Variants in SLC44A4 observed in about 807,000 individuals in gnomAD.
The protein encoded by SLC44A4 is choline transporter-like protein 4.
A neutral mutation model predicts 97.0 loss-of-function variants in SLC44A4; 74 were observed. The ratio of observed to expected loss-of-function variants is 0.76; its 90% CI spans 0.63 to 0.93. The LOEUF (loss-of-function observed/expected upper bound fraction) is 0.93. Ranked by LOEUF, SLC44A4 falls within the 40% of genes least tolerant of loss-of-function variation. The pLI is 0.00. For missense variants in SLC44A4, 799 were observed against 902.9 expected, an observed-to-expected ratio of 0.88 and a Z score of 1.48; for synonymous variants, 325 against 363.8, an observed-to-expected ratio of 0.89 and a Z score of 1.21.
intron 13 of SLC44A4, among the ~76,000 whole-genome samples, chr6:31,866,360 G>A (rs1249591214): frequency 6.6e-6 from 1 of 151,644 alleles, no homozygotes; most frequent in Non-Finnish European, 1.5e-5. Context: ...CAGAGGGGAA[G>A]GCACTCACTC....
rs139748832 is a variant in SLC44A4 at position 31,864,681 on chromosome 6, A to G, written c.1982T>C (p.Met661Thr). 483 of 1,614,148 alleles carry G rather than the reference A, an allele frequency of 3.0e-4. No individual in the cohort carries two copies. Among genetic ancestry groups the G allele is most frequent in the Non-Finnish European group, 3.9e-4 (463 of 1,180,034 alleles). ...IASGFFSVFG[M>T]CVDTLFLCFL... ...GCAGAGGAAGAGCGTGTCCACACAC[A>G]TGCCGAAAACGCTGAAGAAGCCGCT... Residue 661 changes from methionine (M) to threonine (T), a missense_variant, in exon 20 of 21, where the codon ATG becomes ACG. Physicochemically the swap from Met to Thr is moderately conservative, Grantham distance 81 (BLOSUM62 -1). Transcript: ENST00000229729.
Position 31,865,504 on chromosome 6 carries a change from G to A in SLC44A4, c.1680C>T (p.Tyr560=). The change falls in exon 16 of 21, where the codon TAC becomes TAT. Residue 560 remains tyrosine (Y), a synonymous_variant. Transcript: ENST00000229729. This position sits in a 1 kb window ranked among gnomAD's most constrained non-coding sequence, Gnocchi z 5.2. ...KFIKFLNRNA[Y]IMIAIYGKNF... ...TGCTTGCAGTGTAGCTCACCATGAT[G>A]TATGCATTGCGGTTTAGGAACTTGA... The A allele has an allele frequency of 6.2e-7, 1 of 1,609,528 alleles. No individual in the cohort carries two copies.
intron 4 of SLC44A4, 117 bp from the exon 5 acceptor site, chr6:31,875,145 A>C: frequency 5.4e-6 from 4 of 736,442 alleles, no homozygotes; most frequent in Non-Finnish European, 9.2e-6. Flanking sequence ...GGCCCATACC[A>C]GTCACCTCCC....
intron 10 of SLC44A4, 32 bp from the exon 11 acceptor site, chr6:31,870,734 AG>A (rs747967672): frequency 6.2e-7 from 1 of 1,611,470 alleles, no homozygotes; most frequent in Non-Finnish European, 8.5e-7. Flanking sequence ...GACCTAGGTC[AG>A]GGCCAGGGCT....
Position 31,870,628 on chromosome 6 carries a change from T to A in SLC44A4, c.1012A>T (p.Ile338Phe). 1.9e-6 allele frequency: 3 copies of A among 1,606,326 alleles called. No homozygotes were observed. The highest frequency in any genetic ancestry group is 2.2e-5 in the South Asian group (2 of 89,918). Residue 338 changes from isoleucine (I) to phenylalanine (F), a missense_variant, in exon 11 of 21, where the codon ATC becomes TTC. By Grantham distance (21) the Ile-to-Phe change is conservative. Around this residue, in one of 3 missense-constraint regions of SLC44A4, gnomAD observed 409 missense variants for 434.1 expected, o/e 0.94. Transcript: ENST00000229729. ...TTGCTGGCCTCCTTCAGGAGGGCGA[T>A]GGCAATACGAATCCGCTGCCGCAGG... ...IFLRQRIRIA[I>F]ALLKEASKAV...
intron 7 of SLC44A4, among the ~76,000 whole-genome samples, chr6:31,873,348 A>C (rs1455190803): frequency 1.3e-5 from 2 of 151,910 alleles, no homozygotes; most frequent in African/African-American, 4.8e-5. Flanking sequence ...ACGCCCAGCT[A>C]AGTTTTGTAT....
Position 31,871,462 on chromosome 6 carries a change from G to A in SLC44A4, c.617+12C>T. The stretch of plus-strand genomic sequence containing the variant: ...GGGGTGTGGCCAGGATGTGGGGGAG[G>A]GAGGTGCCTACCTGATCCCCTGCTG... On this transcript the variant is annotated intron_variant, in intron 8 of 20. Coordinates refer to ENST00000229729, the MANE Select transcript of SLC44A4 (RefSeq NM_025257.3). 1 of 1,613,762 alleles carries A rather than the reference G, an allele frequency of 6.2e-7. No homozygotes were observed. Among genetic ancestry groups the A allele is most frequent in the Non-Finnish European group, 8.5e-7 (1 of 1,179,684 alleles).
chr6:31,869,700 C>G, intron 11 of SLC44A4, 63 bp from the exon 12 acceptor site: 1 of 1,412,350 alleles, frequency 7.1e-7, no homozygotes, highest in Non-Finnish European at 9.8e-7. Context: ...AAGGGGCTGA[C>G]CCCGGCCGGG....
chr6:31,865,282 G>C lies in SLC44A4; in HGVS notation c.1760+33C>G. On this transcript the variant is annotated intron_variant, in intron 17 of 20. Transcript: ENST00000229729. This position sits in a 1 kb window ranked among gnomAD's most constrained non-coding sequence, Gnocchi z 5.2. ...CAGCCTTGGGTGGGAGATCAGAGGA[G>C]GGAGCCACAAAGCGGGGGGGGAGCA... is the stretch of plus-strand genomic sequence containing the variant. 3.1e-6 allele frequency: 5 copies of C among 1,612,912 alleles called. No homozygotes were observed. The South Asian group carries it at 5.5e-5, about 18-fold the overall frequency.
chr6:31,871,633 G>T, intron 7 of SLC44A4, 72 bp from the exon 8 acceptor site: 1 of 1,166,556 alleles, frequency 8.6e-7, no homozygotes, highest in Non-Finnish European at 1.3e-6. Context: ...CCCCCTCCCA[G>T]TCCACAGTGC....
Position 31,877,161 on chromosome 6 carries a change from A to T in SLC44A4, c.41-79T>A. Reference sequence around the variant, plus strand: ...CCTGCTGAGTCCTCCTAGCCCCAGGATCCTACCCAGGCCTCAGGTGTTTGG... The same window carrying T: ...CCTGCTGAGTCCTCCTAGCCCCAGGTTCCTACCCAGGCCTCAGGTGTTTGG... On this transcript the variant is annotated intron_variant, in intron 1 of 20. Transcript: ENST00000229729. This position sits in a 1 kb window ranked among gnomAD's most constrained non-coding sequence, Gnocchi z 6.5. 6.8e-7 allele frequency: 1 copy of T among 1,462,358 alleles called. No individual in the cohort carries two copies. Among genetic ancestry groups the T allele is most frequent in the Non-Finnish European group, 9.4e-7 (1 of 1,063,494 alleles). 90.6% of individuals were successfully genotyped at this position (1,462,358 alleles called of 1,614,324 possible). A position where few individuals can be genotyped will look rare whatever the true frequency, so the allele number is the denominator to read the frequency against.
At chr6:31,868,748 A>G (rs1449798979) in intron 13 of SLC44A4, among the ~76,000 whole-genome samples, 1 of 152,094 alleles carries the variant, frequency 6.6e-6, no homozygotes, top group Non-Finnish European at 1.5e-5. Flanking sequence ...GTGAGCTGAG[A>G]TTGCACTGCT....
In SLC44A4 at chr6:31,865,546, C is replaced by A; in HGVS notation, c.1638G>T (p.Trp546Cys). 6.3e-7 allele frequency: 1 copy of A among 1,598,780 alleles called. No individual in the cohort carries two copies. Residue 546 changes from tryptophan to cysteine, a missense_variant, in exon 16 of 21, where the codon TGG (tryptophan) becomes TGT (cysteine). Around this residue, in one of 3 missense-constraint regions of SLC44A4, gnomAD observed 379 missense variants for 438.3 expected, o/e 0.86. Coordinates refer to ENST00000229729, the MANE Select transcript of SLC44A4 (RefSeq NM_025257.3). This position sits in a 1 kb window ranked among gnomAD's most constrained non-coding sequence, Gnocchi z 5.2. ...CIMCCFKCCL[W>C]CLEKFIKFLN... ...GGAACTTGATAAATTTTTCCAGACA[C>A]CAGAGGCAGCACTTGAAACAGCACA... is the stretch of plus-strand genomic sequence containing the variant.
chr6:31,869,310 G>T (rs988298652), intron 12 of SLC44A4, 53 bp from the exon 13 acceptor site: 2 of 1,366,664 alleles, frequency 1.5e-6, no homozygotes, highest in Non-Finnish European at 2.0e-6. Context: ...CAGGTCACTC[G>T]CTCCTTAGGG....
rs1173533796 is a variant in SLC44A4 at position 31,863,617 on chromosome 6, G to A, written c.*10C>T. 3 of 1,610,476 alleles carry A rather than the reference G, an allele frequency of 1.9e-6. No individual in the cohort carries two copies. The highest frequency in any genetic ancestry group is 1.7e-5 in the Admixed American group (1 of 59,408). On this transcript the variant is annotated 3_prime_UTR_variant, in exon 21 of 21. Coordinates refer to ENST00000229729, the MANE Select transcript of SLC44A4 (RefSeq NM_025257.3). The stretch of plus-strand genomic sequence containing the variant: ...GGGTGGGGTGCAGTCCTGGATCAGG[G>A]CCGGAGCTGTCACTTCTTCCTCTTC...
Position 31,866,112 on chromosome 6 carries a change from G to C in SLC44A4, c.1248C>G (p.Asn416Lys). The C allele has an allele frequency of 6.2e-7, 1 of 1,614,016 alleles. No homozygotes were observed. Among genetic ancestry groups the C allele is most frequent in the Non-Finnish European group, 8.5e-7 (1 of 1,179,966 alleles). ...CGCACATCAGCCCTGGGCACGAGGAGTTCACAAGGTGGGCCTGGGAGGGTA... is the reference window on the plus strand; with the variant it reads ...CGCACATCAGCCCTGGGCACGAGGACTTCACAAGGTGGGCCTGGGAGGGTA... ...TSCNPTAHLV[N>K]SSCPGLMCVF... is the part of the protein sequence containing the mutation. Residue 416 changes from asparagine to lysine, a missense_variant, in exon 14 of 21, where the codon AAC (asparagine) becomes AAG (lysine). Coordinates refer to ENST00000229729, the MANE Select transcript of SLC44A4 (RefSeq NM_025257.3).
chr6:31,875,070 G>A (rs1309577298), intron 4 of SLC44A4, 42 bp from the exon 5 acceptor site: 2 of 1,518,560 alleles, frequency 1.3e-6, no homozygotes, highest in South Asian at 1.1e-5. Flanking sequence ...GCCTGGTCAG[G>A]TGTTGGGGGA....
Position 31,874,977 on chromosome 6 carries a change from G to C in SLC44A4, c.294C>G (p.Ser98Arg). ...CGTTCTCAGCAACTGAGATGATGTT[G>C]CTGGACAGGATGCAGCTGAAGATGT... is the stretch of plus-strand genomic sequence containing the variant. ...YFNIFSCILS[S>R]NIISVAENGL... Residue 98 changes from serine (S) to arginine (R), a missense_variant, in exon 5 of 21, where the codon AGC becomes AGG. By Grantham distance (110) the Ser-to-Arg change is moderately radical. Transcript: ENST00000229729. The surrounding 1 kb of genome is among the most constrained non-coding windows in gnomAD (Gnocchi z 4.8). The C allele has an allele frequency of 6.2e-7, 1 of 1,613,528 alleles. No individual in the cohort carries two copies. Among genetic ancestry groups the C allele is most frequent in the Non-Finnish European group, 8.5e-7 (1 of 1,180,030 alleles).
intron 13 of SLC44A4, 113 bp downstream of exon 13, chr6:31,869,042 G>C: frequency 1.2e-6 from 1 of 814,728 alleles, no homozygotes; most frequent in South Asian, 2.0e-5. Flanking sequence ...GTGTGACCTT[G>C]CACAAGTTTC....
Sources: allele counts gnomAD v4.1 joint callset (sites outside exome capture counted in the v4.1 genomes callset), GRCh38; gene constraint gnomAD v4.1.1; regional missense constraint gnomAD v4.1.1; non-coding constraint Gnocchi (gnomAD v3.1); transcripts MANE v1.5; gene names NCBI Gene and HGNC (gene_info 2026-07-23, HGNC 2026-07-21).